YAP1: variants seen among roughly 807,000 people sequenced by gnomAD.
YAP1 encodes the protein transcriptional coactivator YAP1.
In YAP1, 5 loss-of-function variants were observed where a neutral mutation model predicts 56.9. The ratio of observed to expected loss-of-function variants is 0.09; its 90% CI spans 0.05 to 0.18. YAP1 has a LOEUF of 0.18. YAP1 is among the 10% of genes least tolerant of loss of function. The pLI, the probability that YAP1 is intolerant of heterozygous loss-of-function variation, is 1.00. For missense variants in YAP1, 539 were observed against 651.8 expected, an observed-to-expected ratio of 0.83 and a Z score of 1.88; for synonymous variants, 265 against 248.1, an observed-to-expected ratio of 1.07 and a Z score of -0.64.
At chr11:102,178,745 A>G (rs1394918573) in intron 3 of YAP1, among the ~76,000 whole-genome samples, 4 of 152,100 alleles carry the variant, frequency 2.6e-5, no homozygotes, top group African/African-American at 9.7e-5. Context: ...ACCCTCTGTC[A>G]ATCTAATTTT....
chr11:102,231,514 A>G lies in YAP1; in HGVS notation c.*1574A>G, dbSNP rs1329549130. 2 of 152,798 alleles carry G rather than the reference A, an allele frequency of 1.3e-5. No individual in the cohort carries two copies. Among genetic ancestry groups the G allele is most frequent in the East Asian group, 3.9e-4 (2 of 5,194 alleles). The allele number at this position is 152,798 out of a possible 1,614,324, so 9.5% of individuals were successfully genotyped here. On this transcript the variant is annotated 3_prime_UTR_variant, in exon 9 of 9. Transcript: ENST00000282441. ...GTATATTGGTAGTTGAATTTAGCAA[A>G]GAAATAGAGATAATCATGATTATAC...
chr11:102,150,065 A>G (rs1296054427), intron 2 of YAP1, among the ~76,000 whole-genome samples: 1 of 137,398 alleles, frequency 7.3e-6, no homozygotes, highest in Non-Finnish European at 1.5e-5. Flanking sequence ...GCTCCTTGCA[A>G]CTTCCGTCTA....
At position 102,205,895 on chromosome 11, in the gene YAP1, A is replaced by G. The variant is rs369490312; in HGVS notation, c.805A>G (p.Met269Val). The G allele has an allele frequency of 7.3e-6, 11 of 1,497,684 alleles. No homozygotes were observed. Among genetic ancestry groups the G allele is most frequent in the Non-Finnish European group, 8.9e-6 (10 of 1,118,094 alleles). The allele number at this position is 1,497,684 out of a possible 1,614,324, so 92.8% of individuals were successfully genotyped here. The change falls in exon 5 of 9, where the codon ATG becomes GTG. Residue 269 changes from methionine to valine, a missense_variant and splice_region_variant. By Grantham distance (21) the Met-to-Val change is conservative. Coordinates refer to ENST00000282441, the MANE Select transcript of YAP1 (RefSeq NM_001130145.3). ...LDPRLDPRFA[M>V]NQRISQSAPV... Reference sequence around the variant, plus strand: ...TTTTTTTTTTCTTTTCATTTCAGCCATGAACCAGAGAATCAGTCAGAGTGC... The same window carrying G: ...TTTTTTTTTTCTTTTCATTTCAGCCGTGAACCAGAGAATCAGTCAGAGTGC...
intron 1 of YAP1, 51 bp downstream of exon 1, chr11:102,111,220 G>C (rs551763538): frequency 1.2e-5 from 19 of 1,592,416 alleles, no homozygotes; most frequent in Admixed American, 3.4e-5. Flanking sequence ...GCCTCAGACC[G>C]GGGGGGCGCT....
At chr11:102,153,085 T>C (rs966311170) in intron 2 of YAP1, among the ~76,000 whole-genome samples, 1 of 152,244 alleles carries the variant, frequency 6.6e-6, no homozygotes, top group Non-Finnish European at 1.5e-5. Flanking sequence ...TGAAGTGTTT[T>C]TTATATTTTG....
At chr11:102,131,448 G>A (rs1180466899) in intron 2 of YAP1, among the ~76,000 whole-genome samples, 1 of 152,152 alleles carries the variant, frequency 6.6e-6, no homozygotes, top group East Asian at 1.9e-4. Flanking sequence ...TGTCTTGTTT[G>A]CCTTTTCATT....
At chr11:102,133,150 C>G (rs1194727491) in intron 2 of YAP1, among the ~76,000 whole-genome samples, 1 of 143,894 alleles carries the variant, frequency 6.9e-6, no homozygotes, top group East Asian at 2.1e-4. Context: ...GAGTGAGACT[C>G]CGTCTCAAAA....
chr11:102,192,481 C>G (rs1215818308), intron 4 of YAP1, among the ~76,000 whole-genome samples: 1 of 152,180 alleles, frequency 6.6e-6, no homozygotes, highest in East Asian at 1.9e-4. Context: ...ATGATAGTTA[C>G]AACAATGTAC....
chr11:102,111,959 C>G (rs1349592733), intron 1 of YAP1, among the ~76,000 whole-genome samples: 1 of 152,108 alleles, frequency 6.6e-6, no homozygotes, highest in Non-Finnish European at 1.5e-5. Flanking sequence ...CTGCTCTTCC[C>G]TTGTGTGTTG....
intron 3 of YAP1, among the ~76,000 whole-genome samples, chr11:102,178,432 A>G: frequency 6.6e-6 from 1 of 152,126 alleles, no homozygotes; most frequent in East Asian, 1.9e-4. Context: ...GTTAATCAGG[A>G]TTTTCCTGTT....
At chr11:102,192,433 T>C (rs1388207199) in intron 4 of YAP1, among the ~76,000 whole-genome samples, 2 of 152,232 alleles carry the variant, frequency 1.3e-5, no homozygotes, top group African/African-American at 4.8e-5. Context: ...CAAAAATCTT[T>C]CTTCAATCTG....
chr11:102,123,870 G>T (rs866600022), intron 2 of YAP1, among the ~76,000 whole-genome samples: 2 of 151,812 alleles, frequency 1.3e-5, no homozygotes, highest in South Asian at 4.2e-4. Flanking sequence ...CTCGTGATCC[G>T]CCCACCTTGG....
At chr11:102,196,756 G>GA (rs981071611) in intron 4 of YAP1, among the ~76,000 whole-genome samples, 2 of 151,820 alleles carry the variant, frequency 1.3e-5, no homozygotes, top group African/African-American at 4.8e-5. Flanking sequence ...CCAGTAAAGA[G>GA]AAAAAATTAT....
chr11:102,204,021 A>T (rs926792072), intron 4 of YAP1, among the ~76,000 whole-genome samples: 3 of 152,108 alleles, frequency 2.0e-5, no homozygotes, highest in Non-Finnish European at 2.9e-5. Context: ...CTAAGGCATT[A>T]TTCTGAGGGA....
intron 4 of YAP1, among the ~76,000 whole-genome samples, chr11:102,188,067 G>A (rs1948076077): frequency 6.6e-6 from 1 of 152,212 alleles, no homozygotes; most frequent in Non-Finnish European, 1.5e-5. Flanking sequence ...CTGATCTAGA[G>A]TGACAGCAAA....
intron 3 of YAP1, among the ~76,000 whole-genome samples, chr11:102,178,218 G>A (rs1947376602): frequency 6.6e-6 from 1 of 152,198 alleles, no homozygotes; most frequent in South Asian, 2.1e-4. Context: ...AAAACAAGCA[G>A]CAGGCAGAAT....
intron 2 of YAP1, among the ~76,000 whole-genome samples, chr11:102,141,154 A>G (rs557118846): frequency 6.6e-6 from 1 of 152,212 alleles, no homozygotes; most frequent in East Asian, 1.9e-4. Context: ...TTCCTGTCCA[A>G]AGTCTGCCTT....
chr11:102,158,409 A>G (rs936722070), intron 2 of YAP1, among the ~76,000 whole-genome samples: 3 of 152,182 alleles, frequency 2.0e-5, no homozygotes, highest in African/African-American at 7.2e-5. Flanking sequence ...TAGGTGATCA[A>G]ATCTCAAAGT....
chr11:102,172,873 G>T (rs1297045588), intron 3 of YAP1, among the ~76,000 whole-genome samples: 1 of 152,116 alleles, frequency 6.6e-6, no homozygotes, highest in Non-Finnish European at 1.5e-5. Context: ...CTGGGGAAGG[G>T]AGAGAATGCT....
Sources: allele counts gnomAD v4.1 joint callset (sites outside exome capture counted in the v4.1 genomes callset), GRCh38; gene constraint gnomAD v4.1.1; transcripts MANE v1.5; gene names NCBI Gene and HGNC (gene_info 2026-07-23, HGNC 2026-07-21).